The following DOCK5 variants were observed in gnomAD, a reference collection of about 807,000 sequenced individuals.
DOCK5 encodes the protein dedicator of cytokinesis protein 5.
A neutral mutation model predicts 251.8 loss-of-function variants in DOCK5; 142 were observed. The observed-to-expected ratio is 0.56, with a 90% CI of 0.49 to 0.65. The LOEUF is 0.65. DOCK5 is among the 30% of genes least tolerant of loss of function. The pLI is 0.00. For synonymous variants in DOCK5, 842 were observed against 835.5 expected (o/e 1.01, Z -0.13); for missense variants, 2,111 against 2,312.3 (o/e 0.91, Z 1.79).
intron 1 of DOCK5, among the ~76,000 whole-genome samples, chr8:25,205,031 T>TTA (rs1554516547): frequency 6.6e-6 from 1 of 151,470 alleles, no homozygotes; most frequent in Admixed American, 6.6e-5. Flanking sequence ...GTGCTTTTTT[T>TTA]AAAAAAAATT....
chr8:25,248,423 C>T (rs765918748), intron 2 of DOCK5, among the ~76,000 whole-genome samples: 5 of 152,156 alleles, frequency 3.3e-5, no homozygotes, highest in Non-Finnish European at 7.3e-5. Flanking sequence ...ACAGTCCTGC[C>T]GGGTGGAACT....
intron 48 of DOCK5, among the ~76,000 whole-genome samples, chr8:25,406,406 A>G (rs1399704532): frequency 6.6e-6 from 1 of 152,176 alleles, no homozygotes; most frequent in African/African-American, 2.4e-5. Flanking sequence ...CCATTTTTTC[A>G]CAAATGTTTA....
intron 5 of DOCK5, among the ~76,000 whole-genome samples, 152 bp from the exon 6 acceptor site, chr8:25,291,872 C>A (rs368807822): frequency 0.012 from 1,385 of 114,180 alleles, no homozygotes; most frequent in Middle Eastern, 0.014. Context: ...GACTCCATCA[C>A]AAAAAAAAAA....
At chr8:25,367,460 G>A (rs749250109) in intron 31 of DOCK5, among the ~76,000 whole-genome samples, 1 of 152,150 alleles carries the variant, frequency 6.6e-6, no homozygotes, top group Non-Finnish European at 1.5e-5. Context: ...AGAGATTTAG[G>A]GAAGCATTTC....
chr8:25,273,072 G>A (rs539827270), intron 3 of DOCK5, among the ~76,000 whole-genome samples: 4 of 149,844 alleles, frequency 2.7e-5, no homozygotes, highest in Admixed American at 1.3e-4. Context: ...TTGCCGTGGC[G>A]CAGTGGCACA....
intron 46 of DOCK5, 118 bp downstream of exon 46, chr8:25,400,112 T>G (rs962973424): frequency 4.2e-5 from 32 of 759,998 alleles, no homozygotes; most frequent in Non-Finnish European, 6.5e-5. Flanking sequence ...TTTTTAACCC[T>G]TGTGAAAGCA....
chr8:25,186,765 A>C (rs965568075), intron 1 of DOCK5, among the ~76,000 whole-genome samples: 5 of 152,156 alleles, frequency 3.3e-5, no homozygotes, highest in Non-Finnish European at 7.4e-5. Context: ...TCTTTTCAAA[A>C]CTATTCAGTT....
chr8:25,242,580 A>G (rs1563321625), intron 1 of DOCK5, among the ~76,000 whole-genome samples: 1 of 152,222 alleles, frequency 6.6e-6, no homozygotes, highest in African/African-American at 2.4e-5. Context: ...AGTGTCGAAC[A>G]TCTCTTCGTG....
At chr8:25,401,720 C>T (rs1164363702) in intron 47 of DOCK5, among the ~76,000 whole-genome samples, 5 of 152,084 alleles carry the variant, frequency 3.3e-5, no homozygotes, top group African/African-American at 4.8e-5. Flanking sequence ...GGCGACAGAG[C>T]GAGACTCTAT....
intron 43 of DOCK5, 103 bp downstream of exon 43, chr8:25,392,083 C>A: frequency 1.8e-6 from 2 of 1,093,796 alleles, no homozygotes; most frequent in Non-Finnish European, 2.7e-6. Flanking sequence ...GCGGGCGGAT[C>A]ACGAAGTCAA....
chr8:25,184,776 C>G lies in DOCK5; in HGVS notation c.-133C>G, dbSNP rs1801384473. ...CGGGCGGCGCGGCGAGGAGGCGGCCCGCGGAGTCCAGCGAAGTTTGGCGGA... is the reference window on the plus strand; with the variant it reads ...CGGGCGGCGCGGCGAGGAGGCGGCCGGCGGAGTCCAGCGAAGTTTGGCGGA... On this transcript the variant is annotated 5_prime_UTR_variant, in exon 1 of 52. Coordinates refer to ENST00000276440, the MANE Select transcript of DOCK5 (RefSeq NM_024940.8). The G allele has an allele frequency of 2.4e-6, 2 of 840,110 alleles. No homozygotes were observed. Among genetic ancestry groups the G allele is most frequent in the Non-Finnish European group, 1.6e-6 (1 of 639,068 alleles). The allele number at this position is 840,110 out of a possible 1,614,324, so 52.0% of individuals were successfully genotyped here.
chr8:25,372,771 A>G, intron 35 of DOCK5, 53 bp downstream of exon 35: 1 of 1,551,408 alleles, frequency 6.4e-7, no homozygotes, highest in South Asian at 1.2e-5. Flanking sequence ...CCGCCCCTGC[A>G]CCCTACAGCT....
At chr8:25,408,296 C>G in intron 49 of DOCK5, 142 bp downstream of exon 49, 1 of 898,468 alleles carries the variant, frequency 1.1e-6, no homozygotes, top group Non-Finnish European at 1.7e-6. Flanking sequence ...AGTGTCAGGT[C>G]GCAGATTGTG....
chr8:25,392,372 C>T (rs1801276555), intron 43 of DOCK5, among the ~76,000 whole-genome samples: 1 of 151,456 alleles, frequency 6.6e-6, no homozygotes, highest in East Asian at 1.9e-4. Context: ...AACCAGCTTC[C>T]ACAGGAGAAA....
intron 11 of DOCK5, among the ~76,000 whole-genome samples, chr8:25,307,815 T>C (rs1044321048): frequency 2.0e-5 from 3 of 152,236 alleles, no homozygotes; most frequent in Admixed American, 2.0e-4. Flanking sequence ...GTATTCATGA[T>C]GCAGACTGCA....
intron 47 of DOCK5, among the ~76,000 whole-genome samples, chr8:25,401,316 A>G (rs944324195): frequency 1.3e-5 from 2 of 152,214 alleles, no homozygotes; most frequent in Non-Finnish European, 2.9e-5. Flanking sequence ...TGGCTGAGCC[A>G]TCATAACCCT....
intron 27 of DOCK5, among the ~76,000 whole-genome samples, chr8:25,352,456 C>T (rs1800488520): frequency 6.6e-6 from 1 of 152,068 alleles, no homozygotes; most frequent in African/African-American, 2.4e-5. Context: ...TGCACTCTAT[C>T]TAAACAGATG....
At chr8:25,226,796 A>G (rs1802545972) in intron 1 of DOCK5, among the ~76,000 whole-genome samples, 1 of 152,088 alleles carries the variant, frequency 6.6e-6, no homozygotes, top group African/African-American at 2.4e-5. Flanking sequence ...CGTGTTAGCC[A>G]AGATGGTCTC....
intron 7 of DOCK5, among the ~76,000 whole-genome samples, chr8:25,296,974 T>C (rs1301795969): frequency 1.3e-5 from 2 of 152,210 alleles, no homozygotes; most frequent in Non-Finnish European, 2.9e-5. Flanking sequence ...AAGAAATAAT[T>C]ATTAATGGAT....
Sources: gnomAD v4.1 joint callset for allele counts (sites outside exome capture counted in the v4.1 genomes callset) on GRCh38, gnomAD v4.1.1 for gene constraint, MANE v1.5 for transcripts, NCBI Gene and HGNC (gene_info 2026-07-23, HGNC 2026-07-21) for gene names.